The following TPTE2 variants were observed in gnomAD, a reference collection of about 807,000 sequenced individuals.
The protein encoded by TPTE2 is transmembrane phosphoinositide 3-phosphatase and tensin homolog 2.
In TPTE2, 53 loss-of-function variants were observed where a neutral mutation model predicts 78.6. The ratio of observed to expected loss-of-function variants is 0.67; its 90% CI spans 0.54 to 0.85. The LOEUF is 0.85. TPTE2 is among the 40% of genes least tolerant of loss of function. TPTE2 has a pLI of 0.00. For missense variants in TPTE2, 461 were observed against 623.0 expected, an observed-to-expected ratio of 0.74 and a Z score of 2.77; for synonymous variants, 175 against 206.2, an observed-to-expected ratio of 0.85 and a Z score of 1.30.
intron 1 of TPTE2, among the ~76,000 whole-genome samples, chr13:19,500,365 C>T (rs1875809535): frequency 6.6e-6 from 1 of 151,698 alleles, no homozygotes; most frequent in Non-Finnish European, 1.5e-5. Flanking sequence ...AATTTTAGAC[C>T]AATATCCTTG....
Position 19,451,234 on chromosome 13 carries a change from G to A in TPTE2, c.742-9C>T, listed in dbSNP as rs1878161702. ...AGAAACCGCACAACTTCCTAAAAAA[G>A]ACAAACACATATCTTACATATTTAC... On this transcript the variant is annotated splice_polypyrimidine_tract_variant and intron_variant, in intron 10 of 19. Transcript: ENST00000400230. 2 of 1,613,224 alleles carry A rather than the reference G, an allele frequency of 1.2e-6. No homozygotes were observed. Among genetic ancestry groups the A allele is most frequent in the Non-Finnish European group, 1.7e-6 (2 of 1,179,542 alleles).
At chr13:19,465,509 G>A (rs1432107373) in exon 8 of TPTE2, 2 of 1,610,196 alleles carry the variant, frequency 1.2e-6, no homozygotes, top group Non-Finnish European at 1.7e-6. Context: ...TGATGAAGCA[G>A]ATGAAAAATT....
chr13:19,528,662 T>A (rs1321737133), intron 1 of TPTE2, among the ~76,000 whole-genome samples: 1 of 152,176 alleles, frequency 6.6e-6, no homozygotes, highest in Non-Finnish European at 1.5e-5. Context: ...CCTCCAGTTC[T>A]CGCTAGCTCA....
intron 1 of TPTE2, among the ~76,000 whole-genome samples, chr13:19,503,017 T>C (rs573156677): frequency 9.9e-5 from 15 of 152,276 alleles, no homozygotes; most frequent in Non-Finnish European, 2.1e-4. Flanking sequence ...TAAAAGCTTC[T>C]CAGAATAAAC....
At chr13:19,497,217 T>C (rs905968496) in intron 1 of TPTE2, among the ~76,000 whole-genome samples, 1 of 148,188 alleles carries the variant, frequency 6.7e-6, no homozygotes, top group African/African-American at 2.5e-5. Flanking sequence ...GCAGCGAGGC[T>C]GGGGGAGGGG....
At chr13:19,450,589 C>T (rs1352786912) in intron 11 of TPTE2, among the ~76,000 whole-genome samples, 4 of 152,112 alleles carry the variant, frequency 2.6e-5, no homozygotes, top group South Asian at 4.1e-4. Context: ...TTTTAACTTT[C>T]TAGCAGCCTA....
the TPTE2 span, among the ~76,000 whole-genome samples, chr13:19,546,795 A>G: frequency 1.3e-5 from 2 of 152,044 alleles, no homozygotes; most frequent in African/African-American, 4.8e-5. Flanking sequence ...CAGCCCAACA[A>G]AGCATGTGGA....
chr13:19,452,034 C>T (rs117279178), intron 10 of TPTE2, among the ~76,000 whole-genome samples: 10,615 of 151,844 alleles, frequency 0.07, 591 homozygotes, highest in Admixed American at 0.14. Context: ...ACCCTCAGAG[C>T]GATGTTTACA....
At chr13:19,521,582 G>A (rs555681889) in intron 1 of TPTE2, among the ~76,000 whole-genome samples, 7 of 152,060 alleles carry the variant, frequency 4.6e-5, no homozygotes, top group African/African-American at 1.7e-4. Context: ...CATTGATAAA[G>A]TAAGATTTAT....
chr13:19,491,792 T>G (rs1184488152), intron 3 of TPTE2, among the ~76,000 whole-genome samples: 2 of 152,134 alleles, frequency 1.3e-5, no homozygotes, highest in Non-Finnish European at 2.9e-5. Flanking sequence ...GCCACTGCAC[T>G]CCAGCTTGGG....
chr13:19,513,609 T>C (rs1869601707), intron 1 of TPTE2, among the ~76,000 whole-genome samples: 1 of 152,226 alleles, frequency 6.6e-6, no homozygotes, highest in Non-Finnish European at 1.5e-5. Flanking sequence ...ATGATTGCGC[T>C]ACAAATTACA....
At chr13:19,522,416 C>T (rs1461050910) in intron 1 of TPTE2, among the ~76,000 whole-genome samples, 1 of 152,060 alleles carries the variant, frequency 6.6e-6, no homozygotes. Context: ...TGAAGAAGAA[C>T]AAAGAAATTT....
Position 19,499,392 on chromosome 13 carries a change from C to G in TPTE2, c.11+3832G>C, listed in dbSNP as rs61955175. Among the ~76,000 whole-genome samples the G allele has an allele frequency of 5.3e-5, 8 of 151,280 alleles. No homozygotes were observed. In the East Asian group the frequency reaches 1.2e-3, roughly 22 times the overall value. On this transcript the variant is annotated intron_variant, in intron 1 of 19. Transcript: ENST00000400230. ...CACCTATTCCAAAATTGACCACATA[C>G]TTGGAAGTAAAGCTCTCCTCAGCAA...
At chr13:19,440,798 A>G (rs1395609144) in intron 13 of TPTE2, among the ~76,000 whole-genome samples, 2 of 151,522 alleles carry the variant, frequency 1.3e-5, no homozygotes, top group African/African-American at 2.4e-5. Context: ...CAAACAAACA[A>G]AAAACAGGCT....
intron 4 of TPTE2, among the ~76,000 whole-genome samples, chr13:19,475,831 C>G (rs965777299): frequency 1.1e-4 from 17 of 152,130 alleles, no homozygotes; most frequent in African/African-American, 3.9e-4. Flanking sequence ...AGACAGTAAA[C>G]TTTGGATGTT....
intron 1 of TPTE2, among the ~76,000 whole-genome samples, chr13:19,495,127 T>C (rs1162464690): frequency 1.3e-5 from 2 of 152,210 alleles, no homozygotes; most frequent in Admixed American, 1.3e-4. Context: ...TTCCTCATTC[T>C]CTATCACCTC....
intron 1 of TPTE2, among the ~76,000 whole-genome samples, chr13:19,498,289 T>C (rs942939490): frequency 4.6e-5 from 7 of 150,690 alleles, no homozygotes; most frequent in Admixed American, 1.3e-4. Flanking sequence ...ATTCAGGAAA[T>C]ACAGAGAACG....
chr13:19,441,633 TAAC>T lies in TPTE2; in HGVS notation c.974-3483_974-3481del, dbSNP rs376724402. ...AGCCTGCACCTGTGACTTTAAAAATTAACAACAACTAGGAAACTTCCTTAACTC... is the reference window on the plus strand; with the variant it reads ...AGCCTGCACCTGTGACTTTAAAAATTAACAACTAGGAAACTTCCTTAACTC... On this transcript the variant is annotated intron_variant, in intron 13 of 19. Coordinates refer to ENST00000400230, the Ensembl canonical transcript of TPTE2. Among the ~76,000 whole-genome samples the T allele has an allele frequency of 4.5e-3, 678 of 152,212 alleles. 5 individuals are homozygous for T. The highest frequency in any genetic ancestry group is 0.025 in the South Asian group (120 of 4,816).
intron 10 of TPTE2, among the ~76,000 whole-genome samples, chr13:19,453,475 T>C (rs1424530328): frequency 6.6e-6 from 1 of 151,238 alleles, no homozygotes; most frequent in Admixed American, 6.6e-5. Flanking sequence ...TAGGGATTTT[T>C]CCAAATCCAC....
Sources: gnomAD v4.1 joint callset for allele counts (sites outside exome capture counted in the v4.1 genomes callset) on GRCh38, gnomAD v4.1.1 for gene constraint, MANE v1.5 for transcripts, NCBI Gene and HGNC (gene_info 2026-07-23, HGNC 2026-07-21) for gene names.